RALGAPB: variants seen among roughly 807,000 people sequenced by gnomAD.
RALGAPB encodes ral GTPase-activating protein subunit beta.
RALGAPB carries 25 observed loss-of-function variants against 161.1 expected under a neutral mutation model. That is an observed-to-expected ratio of 0.16 (90% CI 0.11 to 0.22). RALGAPB has a LOEUF of 0.22. RALGAPB is among the 10% of genes least tolerant of loss of function. The probability of loss-of-function intolerance (pLI) is 1.00; values close to 1 mark genes in which losing one functional copy is unlikely to be tolerated. For synonymous variants in RALGAPB, 629 were observed against 626.1 expected, an observed-to-expected ratio of 1.00 and a Z score of -0.07; for missense variants, 1,391 against 1,815.2, an observed-to-expected ratio of 0.77 and a Z score of 4.25.
rs531321451 is a variant in RALGAPB at position 38,576,221 on chromosome 20, T to C, written c.*1254T>C. ...GCTCATTTATCCTATTCTCATGTGC[T>C]TTCTTCTTTAGTAAGATTATTTTAA... On this transcript the variant is annotated 3_prime_UTR_variant, in exon 30 of 30. Coordinates refer to ENST00000262879, the MANE Select transcript of RALGAPB (RefSeq NM_020336.4). 6.5e-6 allele frequency: 1 copy of C among 152,688 alleles called. No individual in the cohort carries two copies. Among genetic ancestry groups the C allele is most frequent in the South Asian group, 2.1e-4 (1 of 4,834 alleles). 9.5% of individuals were successfully genotyped at this position (152,688 alleles called of 1,614,324 possible). A position where few individuals can be genotyped will look rare whatever the true frequency, so the allele number is the denominator to read the frequency against.
chr20:38,572,901 ACT>A (rs2088292259), intron 28 of RALGAPB, among the ~76,000 whole-genome samples: 1 of 152,164 alleles, frequency 6.6e-6, no homozygotes, highest in South Asian at 2.1e-4. Flanking sequence ...TAAAGAATTC[ACT>A]CCAGGACTAT....
chr20:38,522,628 A>G (rs1279330631), intron 10 of RALGAPB, among the ~76,000 whole-genome samples: 3 of 152,210 alleles, frequency 2.0e-5, no homozygotes, highest in Non-Finnish European at 4.4e-5. Context: ...CATACTTGCT[A>G]GGTTCTCAGG....
At chr20:38,501,085 T>G (rs1039654643) in intron 5 of RALGAPB, among the ~76,000 whole-genome samples, 4 of 152,158 alleles carry the variant, frequency 2.6e-5, no homozygotes, top group Middle Eastern at 3.2e-3. Flanking sequence ...ATCCAGATGA[T>G]CTAGCTAAGA....
At chr20:38,487,622 G>T (rs1171837883) in intron 1 of RALGAPB, among the ~76,000 whole-genome samples, 1 of 152,160 alleles carries the variant, frequency 6.6e-6, no homozygotes, top group Non-Finnish European at 1.5e-5. Context: ...AGTAAAATCA[G>T]ACCTTTCCTA....
chr20:38,554,032 CT>C lies in RALGAPB; in HGVS notation c.3333del (p.Leu1112SerfsTer9). On this transcript the variant is annotated frameshift_variant, in exon 22 of 30. Transcript: ENST00000262879. LOFTEE classifies it high-confidence loss of function. ...PPAQEFQTAR[L>X]FLSHFGFLSL... ...TGCCCAGGAATTCCAAACAGCCCGC[CT>C]TTTTCTCTCACACTTTGGATTTTTG... is the stretch of plus-strand genomic sequence containing the variant. 1 of 1,613,844 alleles carries C rather than the reference CT, an allele frequency of 6.2e-7. No individual in the cohort carries two copies. Among genetic ancestry groups the C allele is most frequent in the Non-Finnish European group, 8.5e-7 (1 of 1,179,818 alleles).
chr20:38,574,417 T>C (rs1409219569), intron 29 of RALGAPB, 119 bp downstream of exon 29: 3 of 1,154,472 alleles, frequency 2.6e-6, no homozygotes, highest in Non-Finnish European at 3.6e-6. Flanking sequence ...ATGTAGGAAA[T>C]GGTATGGCTC....
In RALGAPB at chr20:38,578,268, G is replaced by T. The variant is rs6026626; in HGVS notation, c.*3301G>T. ...TTTTCCTGAGTTGGAGAGATTGGAG[G>T]TGGTCTATCCGTACGATGTGGAATC... On this transcript the variant is annotated 3_prime_UTR_variant, in exon 30 of 30. Transcript: ENST00000262879. 4.3e-4 allele frequency: 65 copies of T among 152,324 alleles called. 1 individual carries two copies. Among genetic ancestry groups the T allele is most frequent in the African/African-American group, 1.5e-3 (64 of 41,570 alleles). The allele number at this position is 152,324 out of a possible 1,614,324, so 9.4% of individuals were successfully genotyped here.
Position 38,562,608 on chromosome 20 carries a change from T to C in RALGAPB, c.3608T>C (p.Val1203Ala). Residue 1203 changes from valine (V) to alanine (A), a missense_variant, in exon 24 of 30, where the codon GTA (valine) becomes GCA (alanine). By Grantham distance (64) the Val-to-Ala change is moderately conservative. This residue lies in a region of RALGAPB where 436 missense variants were observed against 527.0 expected (regional missense o/e 0.83). Transcript: ENST00000262879. Reference protein sequence around the residue: ...LEFLLSLGWSVDVGRHPGWTG... With the variant: ...LEFLLSLGWSADVGRHPGWTG... ...TTTTTGCTTTCCCTTGGCTGGTCAGTAGATGTGGGCAGACACCCTGGTTGG... is the reference window on the plus strand; with the variant it reads ...TTTTTGCTTTCCCTTGGCTGGTCAGCAGATGTGGGCAGACACCCTGGTTGG... 2 of 1,613,916 alleles carry C rather than the reference T, an allele frequency of 1.2e-6. No individual in the cohort carries two copies. The highest frequency in any genetic ancestry group is 1.1e-5 in the South Asian group (1 of 91,072).
Position 38,535,150 on chromosome 20 carries a change from G to A in RALGAPB, c.2322G>A (p.Trp774Ter), listed in dbSNP as rs1200532490. 1 of 1,614,130 alleles carries A rather than the reference G, an allele frequency of 6.2e-7. No individual in the cohort carries two copies. The change falls in exon 16 of 30, where the codon TGG becomes TGA. Residue 774 changes from tryptophan to a stop codon, truncating the protein, a stop_gained. Transcript: ENST00000262879. LOFTEE classifies it high-confidence loss of function. Reference protein sequence around the residue: ...HLVTQRLNSQWRQDMSISLAA... With the variant: ...HLVTQRLNSQ ...TCACCCAAAGACTCAACTCCCAGTGGCGCCAAGACATGAGCATATCACTGG... is the reference window on the plus strand; with the variant it reads ...TCACCCAAAGACTCAACTCCCAGTGACGCCAAGACATGAGCATATCACTGG...
intron 15 of RALGAPB, among the ~76,000 whole-genome samples, chr20:38,533,891 C>A (rs2086726243): frequency 6.6e-6 from 1 of 151,636 alleles, no homozygotes; most frequent in Non-Finnish European, 1.5e-5. Flanking sequence ...GTAATCCCAG[C>A]ACTTTGGGAG....
intron 6 of RALGAPB, among the ~76,000 whole-genome samples, chr20:38,510,390 A>G (rs975090524): frequency 6.6e-6 from 1 of 152,138 alleles, no homozygotes; most frequent in African/African-American, 2.4e-5. Flanking sequence ...TTAACTTTAT[A>G]ATATTTACTG....
intron 6 of RALGAPB, among the ~76,000 whole-genome samples, chr20:38,513,058 C>T (rs2086012545): frequency 6.6e-6 from 1 of 152,048 alleles, no homozygotes; most frequent in Admixed American, 6.6e-5. Context: ...CCACGCCCGG[C>T]CAGCAATTAA....
Position 38,525,911 on chromosome 20 carries a change from A to G in RALGAPB, c.1919A>G (p.Lys640Arg). Reference sequence around the variant, plus strand: ...TTTCCATAGGTGGTCCTGGAAGGAAAGTTTAGTAACGATGACAGCTCTTCT... The same window carrying G: ...TTTCCATAGGTGGTCCTGGAAGGAAGGTTTAGTAACGATGACAGCTCTTCT... ...TVKSEVVLEG[K>R]FSNDDSSSYD... The change falls in exon 13 of 30, where the codon AAG (lysine) becomes AGG (arginine). Residue 640 changes from lysine (K) to arginine (R), a missense_variant. Lys to Arg is a conservative substitution (Grantham distance 26, BLOSUM62 2). Coordinates refer to ENST00000262879, the MANE Select transcript of RALGAPB (RefSeq NM_020336.4). 1.2e-6 allele frequency: 2 copies of G among 1,612,058 alleles called. No homozygotes were observed. The highest frequency in any genetic ancestry group is 2.2e-5 in the South Asian group (2 of 90,456).
At chr20:38,543,447 G>T (rs915481589) in intron 18 of RALGAPB, among the ~76,000 whole-genome samples, 1 of 152,036 alleles carries the variant, frequency 6.6e-6, no homozygotes. Flanking sequence ...CCCTATTTTC[G>T]ATCTCTTAGC....
chr20:38,478,958 C>T (rs1222535811), intron 1 of RALGAPB, among the ~76,000 whole-genome samples: 1 of 152,090 alleles, frequency 6.6e-6, no homozygotes, highest in Non-Finnish European at 1.5e-5. Context: ...GCCATATTGG[C>T]CAGGTTGGTC....
intron 7 of RALGAPB, among the ~76,000 whole-genome samples, chr20:38,517,213 C>A (rs2086152913): frequency 6.6e-6 from 1 of 152,176 alleles, no homozygotes; most frequent in Non-Finnish European, 1.5e-5. Context: ...TTAAGAAGAT[C>A]TCTTAGAAGA....
intron 1 of RALGAPB, among the ~76,000 whole-genome samples, chr20:38,474,870 A>G (rs2084759118): frequency 6.6e-6 from 1 of 152,184 alleles, no homozygotes; most frequent in Admixed American, 6.5e-5. Flanking sequence ...TTTATGTCAT[A>G]GATAGATCAT....
intron 6 of RALGAPB, among the ~76,000 whole-genome samples, chr20:38,511,287 G>A (rs1278881480): frequency 6.6e-6 from 1 of 151,728 alleles, no homozygotes; most frequent in Non-Finnish European, 1.5e-5. Context: ...TTTATATTTA[G>A]GAAACGCTGA....
intron 14 of RALGAPB, among the ~76,000 whole-genome samples, chr20:38,531,687 T>C (rs1301668578): frequency 6.6e-6 from 1 of 152,212 alleles, no homozygotes; most frequent in Admixed American, 6.5e-5. Context: ...CTTCCAGTGC[T>C]CTCTGCTTTG....
Sources: allele counts gnomAD v4.1 joint callset (sites outside exome capture counted in the v4.1 genomes callset), GRCh38; gene constraint gnomAD v4.1.1; regional missense constraint gnomAD v4.1.1; transcripts MANE v1.5; gene names NCBI Gene and HGNC (gene_info 2026-07-23, HGNC 2026-07-21).